The following CDIN1 variants were observed in gnomAD, a reference collection of about 807,000 sequenced individuals.
CDIN1 encodes CDAN1 interacting nuclease 1.
A neutral mutation model predicts 45.3 loss-of-function variants in CDIN1; 33 were observed. The observed-to-expected ratio is 0.73, with a 90% CI of 0.55 to 0.97. The LOEUF is 0.97. CDIN1 is among the 50% of genes least tolerant of loss of function. The probability of loss-of-function intolerance (pLI) is 0.00; values close to 1 mark genes in which losing one functional copy is unlikely to be tolerated. For synonymous variants in CDIN1, 118 were observed against 124.4 expected (o/e 0.95, Z 0.34); for missense variants, 303 against 339.4 (o/e 0.89, Z 0.84).
intron 7 of CDIN1, among the ~76,000 whole-genome samples, chr15:36,693,282 T>C (rs544889318): frequency 3.0e-4 from 46 of 152,328 alleles, no homozygotes; most frequent in African/African-American, 1.1e-3. Context: ...CAGCCCTTTA[T>C]GTATTTCTCC....
chr15:36,622,228 T>G (rs991213078), intron 1 of CDIN1, among the ~76,000 whole-genome samples: 1 of 152,224 alleles, frequency 6.6e-6, no homozygotes, highest in African/African-American at 2.4e-5. Context: ...AAAATAGGTC[T>G]TCTGGCATTT....
intron 1 of CDIN1, chr15:36,627,175 C>G (rs1284454280): frequency 5.1e-6 from 1 of 196,650 alleles, no homozygotes; most frequent in Non-Finnish European, 1.1e-5. Context: ...TGGCCTTGTT[C>G]CACTTGGTGA....
In CDIN1 at chr15:36,620,030, C is replaced by G. The variant is rs2039094123; in HGVS notation, c.102-24248C>G. On this transcript the variant is annotated intron_variant, in intron 1 of 10. Coordinates refer to ENST00000566621, the MANE Select transcript of CDIN1 (RefSeq NM_001321759.2). ...TGTGACTACTAATCAGTTTGATACT[C>G]AAGGAAAGAATGGGGTTTCTTAAAA... Among the ~76,000 whole-genome samples, 6 of 151,924 alleles carry G rather than the reference C, an allele frequency of 3.9e-5. 1 individual carries two copies. In the South Asian group the frequency reaches 1.2e-3, roughly 32 times the overall value.
At chr15:36,632,040 G>A (rs1254445750) in intron 1 of CDIN1, among the ~76,000 whole-genome samples, 1 of 152,118 alleles carries the variant, frequency 6.6e-6, no homozygotes, top group Non-Finnish European at 1.5e-5. Flanking sequence ...TAACTAGGTT[G>A]CCTAGACTGG....
At chr15:36,601,140 T>G (rs2038079751) in intron 1 of CDIN1, among the ~76,000 whole-genome samples, 1 of 152,056 alleles carries the variant, frequency 6.6e-6, no homozygotes, top group South Asian at 2.1e-4. Flanking sequence ...CATTCTGCAG[T>G]GTGAGGAGTT....
At chr15:36,786,252 A>G (rs1240031177) in intron 10 of CDIN1, among the ~76,000 whole-genome samples, 1 of 152,200 alleles carries the variant, frequency 6.6e-6, no homozygotes, top group African/African-American at 2.4e-5. Flanking sequence ...AATTGTCTCA[A>G]TCCTATGATT....
chr15:36,612,396 A>G (rs1009994612), intron 1 of CDIN1, among the ~76,000 whole-genome samples: 1 of 152,184 alleles, frequency 6.6e-6, no homozygotes, highest in Admixed American at 6.5e-5. Context: ...CTTACTGGGA[A>G]AGACAAACAT....
intron 1 of CDIN1, among the ~76,000 whole-genome samples, chr15:36,623,296 C>CT (rs948912144): frequency 1.3e-5 from 2 of 151,974 alleles, no homozygotes; most frequent in African/African-American, 2.4e-5. Context: ...CAAATCCATA[C>CT]TTTTTTTTAA....
At chr15:36,604,877 A>G (rs2038288141) in intron 1 of CDIN1, among the ~76,000 whole-genome samples, 1 of 152,174 alleles carries the variant, frequency 6.6e-6, no homozygotes. Flanking sequence ...GTGGTCACAT[A>G]TATCAGCTGC....
At chr15:36,689,011 A>G (rs1029275654) in intron 5 of CDIN1, among the ~76,000 whole-genome samples, 23 of 152,316 alleles carry the variant, frequency 1.5e-4, no homozygotes, top group Middle Eastern at 6.8e-3. Context: ...GTTGAGGTTA[A>G]AATGAATGTG....
intron 10 of CDIN1, among the ~76,000 whole-genome samples, chr15:36,715,319 A>G (rs1473675184): frequency 6.6e-6 from 1 of 152,138 alleles, no homozygotes; most frequent in Non-Finnish European, 1.5e-5. Context: ...TTTTTTAAAG[A>G]TCAGTTATTT....
At chr15:36,668,681 T>A (rs955503828) in intron 5 of CDIN1, among the ~76,000 whole-genome samples, 3 of 152,100 alleles carry the variant, frequency 2.0e-5, no homozygotes, top group African/African-American at 7.2e-5. Context: ...TCTCTTACTG[T>A]CATAAAAGTT....
At chr15:36,762,895 A>T (rs1472674436) in intron 10 of CDIN1, among the ~76,000 whole-genome samples, 2 of 151,896 alleles carry the variant, frequency 1.3e-5, no homozygotes, top group Admixed American at 6.6e-5. Context: ...TCTATCATTG[A>T]TGGACATTTG....
At chr15:36,760,540 T>C (rs1173254952) in intron 10 of CDIN1, among the ~76,000 whole-genome samples, 3 of 152,210 alleles carry the variant, frequency 2.0e-5, no homozygotes, top group African/African-American at 7.2e-5. Flanking sequence ...ATCTCTAAAG[T>C]TATTTTAGAG....
At chr15:36,611,436 A>G (rs1566831725) in intron 1 of CDIN1, among the ~76,000 whole-genome samples, 6 of 152,356 alleles carry the variant, frequency 3.9e-5, no homozygotes, top group Admixed American at 3.9e-4. Flanking sequence ...ACCTATTTCA[A>G]GAGGCTTCCA....
At chr15:36,739,631 G>A (rs2044161666) in intron 10 of CDIN1, among the ~76,000 whole-genome samples, 1 of 152,194 alleles carries the variant, frequency 6.6e-6, no homozygotes, top group Non-Finnish European at 1.5e-5. Context: ...AATGCACACT[G>A]TGACACGTAT....
chr15:36,780,141 GA>G (rs1198368974), intron 10 of CDIN1, among the ~76,000 whole-genome samples: 2 of 152,116 alleles, frequency 1.3e-5, no homozygotes, highest in Non-Finnish European at 2.9e-5. Context: ...GCCTTTTTGG[GA>G]CCTGAGACTA....
At chr15:36,693,954 A>G (rs929828483) in intron 7 of CDIN1, among the ~76,000 whole-genome samples, 18 of 152,170 alleles carry the variant, frequency 1.2e-4, no homozygotes, top group African/African-American at 3.9e-4. Context: ...CATGATTTCA[A>G]TTGATAAAGA....
intron 10 of CDIN1, among the ~76,000 whole-genome samples, chr15:36,771,611 G>A (rs1252292692): frequency 1.3e-5 from 2 of 152,112 alleles, no homozygotes; most frequent in Non-Finnish European, 2.9e-5. Flanking sequence ...TCTGGCTTCA[G>A]CCTTCTATTT....
Sources: allele counts gnomAD v4.1 joint callset (sites outside exome capture counted in the v4.1 genomes callset), GRCh38; gene constraint gnomAD v4.1.1; transcripts MANE v1.5; gene names NCBI Gene and HGNC (gene_info 2026-07-23, HGNC 2026-07-21).